PTPRT: variants seen among roughly 807,000 people sequenced by gnomAD.
PTPRT encodes protein tyrosine phosphatase receptor type T.
A neutral mutation model predicts 176.8 loss-of-function variants in PTPRT; 56 were observed. That is an observed-to-expected ratio of 0.32 (90% CI 0.26 to 0.40). PTPRT has a LOEUF of 0.40. Ranked by LOEUF, PTPRT falls within the 10% of genes least tolerant of loss-of-function variation. The pLI, the probability that PTPRT is intolerant of heterozygous loss-of-function variation, is 1.00. For synonymous variants in PTPRT, 783 were observed against 739.0 expected, an observed-to-expected ratio of 1.06 and a Z score of -0.96; for missense variants, 1,540 against 1,908.2, an observed-to-expected ratio of 0.81 and a Z score of 3.60.
chr20:42,366,337 AC>A (rs1307540185), intron 9 of PTPRT, among the ~76,000 whole-genome samples: 1 of 151,870 alleles, frequency 6.6e-6, no homozygotes, highest in African/African-American at 2.4e-5. Flanking sequence ...CTCCTCCCAG[AC>A]CCCTGCCCCA....
chr20:42,705,190 A>AGGG (rs1259952626), intron 6 of PTPRT, among the ~76,000 whole-genome samples: 1 of 152,128 alleles, frequency 6.6e-6, no homozygotes, highest in Non-Finnish European at 1.5e-5. Flanking sequence ...GGGCAAAAAG[A>AGGG]GTGAAATTGT....
chr20:42,632,681 ATATT>A (rs1378000403), intron 7 of PTPRT, among the ~76,000 whole-genome samples: 5 of 149,416 alleles, frequency 3.3e-5, no homozygotes, highest in South Asian at 4.2e-4. Context: ...ATATTTTACT[ATATT>A]TATTAATATT....
intron 2 of PTPRT, among the ~76,000 whole-genome samples, chr20:42,845,444 T>C (rs2078352888): frequency 1.3e-5 from 2 of 152,216 alleles, no homozygotes; most frequent in South Asian, 4.1e-4. Context: ...TTGAAGGGCG[T>C]GCATGTGTTT....
intron 7 of PTPRT, among the ~76,000 whole-genome samples, chr20:42,557,289 G>A (rs1200891401): frequency 2.0e-5 from 3 of 152,024 alleles, no homozygotes; most frequent in Non-Finnish European, 4.4e-5. Context: ...AGTCTGCTCC[G>A]TGAATACCTC....
At chr20:42,526,320 C>T (rs1314624873) in intron 7 of PTPRT, among the ~76,000 whole-genome samples, 1 of 152,086 alleles carries the variant, frequency 6.6e-6, no homozygotes, top group Non-Finnish European at 1.5e-5. Context: ...CTCTCTAATG[C>T]TTTCTAACGT....
chr20:42,083,982 A>G (rs1262216865), intron 29 of PTPRT, among the ~76,000 whole-genome samples: 1 of 152,234 alleles, frequency 6.6e-6, no homozygotes, highest in African/African-American at 2.4e-5. Context: ...ATTTGCTACC[A>G]TGACATTCTT....
chr20:42,280,093 C>T (rs1286514460), intron 13 of PTPRT, among the ~76,000 whole-genome samples: 1 of 152,034 alleles, frequency 6.6e-6, no homozygotes, highest in African/African-American at 2.4e-5. Flanking sequence ...TTCAGGAAGG[C>T]TGCCTAGAGG....
At chr20:42,986,642 A>G (rs1983594844) in intron 1 of PTPRT, among the ~76,000 whole-genome samples, 3 of 152,244 alleles carry the variant, frequency 2.0e-5, no homozygotes, top group Admixed American at 2.0e-4. Flanking sequence ...AGAAAGCGAC[A>G]GTAGATAGTC....
intron 2 of PTPRT, among the ~76,000 whole-genome samples, chr20:42,880,443 T>C (rs1175655019): frequency 6.6e-6 from 1 of 152,200 alleles, no homozygotes; most frequent in Non-Finnish European, 1.5e-5. Context: ...TTTAAAAGAA[T>C]GTCCTACAAG....
chr20:42,084,931 ATGG>A, intron 28 of PTPRT, 86 bp from the exon 29 acceptor site: 1 of 1,200,536 alleles, frequency 8.3e-7, no homozygotes, highest in South Asian at 3.3e-5. Context: ...CTGCAGCATC[ATGG>A]TGGAAGACAG....
chr20:42,569,482 C>T (rs1288200257), intron 7 of PTPRT, among the ~76,000 whole-genome samples: 1 of 152,116 alleles, frequency 6.6e-6, no homozygotes, highest in Non-Finnish European at 1.5e-5. Flanking sequence ...CTCTGGAAGG[C>T]CTGTAATGAA....
At chr20:42,760,710 G>A (rs2076903359) in intron 5 of PTPRT, among the ~76,000 whole-genome samples, 1 of 152,170 alleles carries the variant, frequency 6.6e-6, no homozygotes, top group African/African-American at 2.4e-5. Flanking sequence ...TTCTCAAAGA[G>A]TGGTCCCTGA....
intron 7 of PTPRT, among the ~76,000 whole-genome samples, chr20:42,478,000 T>C (rs1331998533): frequency 1.3e-5 from 2 of 152,134 alleles, no homozygotes; most frequent in Non-Finnish European, 2.9e-5. Flanking sequence ...TGGTCCAGGC[T>C]CCACATTTAT....
At chr20:42,370,392 G>C (rs764169308) in intron 9 of PTPRT, among the ~76,000 whole-genome samples, 17 of 152,142 alleles carry the variant, frequency 1.1e-4, no homozygotes, top group Admixed American at 2.0e-4. Context: ...ATGCTGCCCT[G>C]CCTGGACATG....
chr20:42,116,004 T>C (rs1392782443), intron 21 of PTPRT: 3 of 716,940 alleles, frequency 4.2e-6, no homozygotes, highest in Non-Finnish European at 7.8e-6. Flanking sequence ...AAAGAGATCA[T>C]GGTTTTCCCC....
intron 9 of PTPRT, among the ~76,000 whole-genome samples, chr20:42,391,460 G>T (rs1290116434): frequency 6.6e-6 from 1 of 152,122 alleles, no homozygotes; most frequent in Non-Finnish European, 1.5e-5. Flanking sequence ...TGTCCTGGCG[G>T]CCAAACTTAG....
In PTPRT at chr20:42,212,612, G is replaced by A. The variant is rs563248305; in HGVS notation, c.2343-13224C>T. 9.2e-5 allele frequency among the ~76,000 whole-genome samples: 14 copies of A among 152,192 alleles called. No individual in the cohort carries two copies. In the South Asian group the frequency reaches 2.7e-3, roughly 29 times the overall value. On this transcript the variant is annotated intron_variant, in intron 15 of 30. Coordinates refer to ENST00000373187, the MANE Select transcript of PTPRT (RefSeq NM_007050.6). Reference sequence around the variant, plus strand: ...AGACTAGCTGTGCAAGCTCTTGCAAGTTACTGAGCCCTCTGCATGCCAGTT... The same window carrying A: ...AGACTAGCTGTGCAAGCTCTTGCAAATTACTGAGCCCTCTGCATGCCAGTT...
At chr20:42,743,882 C>T (rs915048098) in intron 6 of PTPRT, among the ~76,000 whole-genome samples, 4 of 152,198 alleles carry the variant, frequency 2.6e-5, no homozygotes, top group South Asian at 2.1e-4. Context: ...GAATGTGTTG[C>T]GACGATTTCT....
chr20:42,754,115 T>C (rs1235998688), intron 6 of PTPRT, among the ~76,000 whole-genome samples: 1 of 152,098 alleles, frequency 6.6e-6, no homozygotes, highest in Non-Finnish European at 1.5e-5. Context: ...AAATACACAT[T>C]CACTGAGAAC....
Sources: allele counts gnomAD v4.1 joint callset (sites outside exome capture counted in the v4.1 genomes callset), GRCh38; gene constraint gnomAD v4.1.1; transcripts MANE v1.5; gene names NCBI Gene and HGNC (gene_info 2026-07-23, HGNC 2026-07-21).